TNK2: variants seen among roughly 807,000 people sequenced by gnomAD.
The protein encoded by TNK2 is activated CDC42 kinase 1.
Under a neutral mutation model 101.8 loss-of-function variants are expected in TNK2, and 83 were observed. That is an observed-to-expected ratio of 0.82 (90% CI 0.68 to 0.98). The LOEUF (loss-of-function observed/expected upper bound fraction) is 0.98. Ranked by LOEUF, TNK2 falls within the 50% of genes least tolerant of loss-of-function variation. TNK2 has a pLI of 0.00. For missense variants in TNK2, 1,665 were observed against 1,483.2 expected (o/e 1.12, Z -2.01); for synonymous variants, 804 against 633.0 (o/e 1.27, Z -4.06).
chr3:195,868,671 A>T lies in TNK2; in HGVS notation c.1627T>A (p.Leu543Met). The change falls in exon 13 of 16, where the codon TTG (leucine) becomes ATG (methionine). Residue 543 changes from leucine to methionine, a missense_variant. Around this residue, in one of 3 missense-constraint regions of TNK2, gnomAD observed 1,136 missense variants for 894.9 expected, o/e 1.27. Transcript: ENST00000672887. ...YDPVSEDQDPLSSDFKRLGLR... is the reference protein window; with the variant it reads ...YDPVSEDQDPMSSDFKRLGLR... The stretch of plus-strand genomic sequence containing the variant: ...CCCAGCCTCTTGAAGTCGCTGGACA[A>T]GGGGTCTTGGTCCTCGCTCACAGGG... 6.3e-7 allele frequency: 1 copy of T among 1,593,150 alleles called. No individual in the cohort carries two copies. Among genetic ancestry groups the T allele is most frequent in the Non-Finnish European group, 8.5e-7 (1 of 1,177,714 alleles).
intron 1 of TNK2, among the ~76,000 whole-genome samples, chr3:195,891,760 G>A (rs1560535542): frequency 6.6e-6 from 1 of 152,110 alleles, no homozygotes; most frequent in Non-Finnish European, 1.5e-5. Context: ...AACTCCCAAG[G>A]ATCCAGGCCC....
At chr3:195,871,310 G>A (rs980131113) in intron 10 of TNK2, among the ~76,000 whole-genome samples, 1 of 152,106 alleles carries the variant, frequency 6.6e-6, no homozygotes, top group Non-Finnish European at 1.5e-5. Context: ...GGTATGGAGT[G>A]AGCTCCGTAG....
intron 1 of TNK2, among the ~76,000 whole-genome samples, chr3:195,907,143 G>A (rs1414133513): frequency 1.3e-5 from 2 of 152,242 alleles, no homozygotes; most frequent in East Asian, 3.8e-4. Context: ...AAGATTGTGT[G>A]TATGTGTTTA....
At chr3:195,873,411 G>A (rs1409408925) in intron 9 of TNK2, among the ~76,000 whole-genome samples, 1 of 135,354 alleles carries the variant, frequency 7.4e-6, no homozygotes, top group Non-Finnish European at 1.6e-5. Flanking sequence ...CGTGAGCAGA[G>A]TCTGGGCAGG....
At position 195,867,279 on chromosome 3, in the gene TNK2, C is replaced by T. The variant is rs1183711814; in HGVS notation, c.2938-15G>A. ...ATGGCCTGCAGCTGGGCACACCCAC[C>T]CCTGTCAGCACCACTAGGGCCCACT... On this transcript the variant is annotated splice_polypyrimidine_tract_variant and intron_variant, in intron 13 of 15. Transcript: ENST00000672887. 6.2e-7 allele frequency: 1 copy of T among 1,606,392 alleles called. No individual in the cohort carries two copies. The highest frequency in any genetic ancestry group is 8.5e-7 in the Non-Finnish European group (1 of 1,175,336).
chr3:195,878,993 G>A lies in TNK2; in HGVS notation c.1014+56C>T. The stretch of plus-strand genomic sequence containing the variant: ...CAGTTCCAGCAGGGCCAGGCTGCAA[G>A]CAGGGAATGGAATTCACCCCACCAG... On this transcript the variant is annotated intron_variant, in intron 7 of 15. Coordinates refer to ENST00000672887, the MANE Select transcript of TNK2 (RefSeq NM_001382273.1). This position sits in a 1 kb window ranked among gnomAD's most constrained non-coding sequence, Gnocchi z 4.7. 6.3e-7 allele frequency: 1 copy of A among 1,592,810 alleles called. No homozygotes were observed. The highest frequency in any genetic ancestry group is 8.6e-7 in the Non-Finnish European group (1 of 1,169,550).
chr3:195,884,630 C>G, intron 4 of TNK2, 182 bp downstream of exon 4: 1 of 601,240 alleles, frequency 1.7e-6, no homozygotes, highest in Non-Finnish European at 2.8e-6. Context: ...GGCGACAGAG[C>G]GAGACTCCAT....
intron 1 of TNK2, among the ~76,000 whole-genome samples, chr3:195,893,320 G>T (rs769585526): frequency 2.0e-5 from 3 of 151,982 alleles, no homozygotes; most frequent in East Asian, 1.9e-4. Context: ...CAAGAGCAAG[G>T]GTAGGGTGGG....
intron 10 of TNK2, among the ~76,000 whole-genome samples, chr3:195,870,882 C>G (rs946559244): frequency 1.4e-5 from 2 of 145,974 alleles, no homozygotes; most frequent in African/African-American, 5.3e-5. Flanking sequence ...GCCCTGTGAG[C>G]TTGGGGTTCC....
At chr3:195,876,569 A>C (rs756897289) in intron 9 of TNK2, 15 of 456,616 alleles carry the variant, frequency 3.3e-5, no homozygotes, top group South Asian at 2.3e-4. Context: ...CCCGCTCCCA[A>C]GCCTCACCGG....
At chr3:195,865,725 T>C (rs1307050071) in intron 15 of TNK2, among the ~76,000 whole-genome samples, 2 of 149,024 alleles carry the variant, frequency 1.3e-5, no homozygotes, top group Non-Finnish European at 3.0e-5. Context: ...GACAGACAGG[T>C]GACAGGGAGT....
intron 12 of TNK2, chr3:195,869,240 C>T: frequency 1.7e-6 from 1 of 591,850 alleles, no homozygotes; most frequent in Non-Finnish European, 3.0e-6. Flanking sequence ...ACTCGTGCTC[C>T]AGAAGCTCAG....
intron 1 of TNK2, among the ~76,000 whole-genome samples, chr3:195,907,476 G>A (rs1258875210): frequency 6.6e-6 from 1 of 152,192 alleles, no homozygotes; most frequent in South Asian, 2.1e-4. Flanking sequence ...CTCTAGCTAA[G>A]GCCCTGGGCA....
At chr3:195,894,086 C>G (rs1759647546) in intron 1 of TNK2, among the ~76,000 whole-genome samples, 1 of 152,218 alleles carries the variant, frequency 6.6e-6, no homozygotes, top group African/African-American at 2.4e-5. Flanking sequence ...CTGGAGCTGA[C>G]TTTTCCCCAA....
intron 9 of TNK2, among the ~76,000 whole-genome samples, chr3:195,873,836 G>A (rs529374608): frequency 8.7e-4 from 133 of 152,228 alleles, no homozygotes; most frequent in African/African-American, 3.2e-3. Context: ...GGGGGCGCGG[G>A]GCGCGGGGAG....
At chr3:195,900,424 T>C (rs1373717471) in intron 1 of TNK2, among the ~76,000 whole-genome samples, 1 of 152,186 alleles carries the variant, frequency 6.6e-6, no homozygotes, top group Non-Finnish European at 1.5e-5. Flanking sequence ...CAGTCCACAC[T>C]GAACCTGAGG....
In TNK2 at chr3:195,870,106, G is replaced by A. The variant is rs1190553160; in HGVS notation, c.1543+8C>T. The A allele has an allele frequency of 3.4e-6, 5 of 1,454,612 alleles. No individual in the cohort carries two copies. The highest frequency in any genetic ancestry group is 2.5e-5 in the East Asian group (1 of 39,898). The allele number at this position is 1,454,612 out of a possible 1,614,324, so 90.1% of individuals were successfully genotyped here. A position where few individuals can be genotyped will look rare whatever the true frequency, so the allele number is the denominator to read the frequency against. ...GTTAGGGACACCAGGGAGCAGAGGG[G>A]CTCTTACTTTTCACCCCTCCTAGAT... On this transcript the variant is annotated splice_region_variant and intron_variant, in intron 11 of 15. Coordinates refer to ENST00000672887, the MANE Select transcript of TNK2 (RefSeq NM_001382273.1).
At chr3:195,873,843 G>A (rs1485941802) in intron 9 of TNK2, among the ~76,000 whole-genome samples, 1 of 152,108 alleles carries the variant, frequency 6.6e-6, no homozygotes, top group Non-Finnish European at 1.5e-5. Flanking sequence ...CGGGGCGCGG[G>A]GAGACGGGGC....
At chr3:195,901,903 T>TC (rs1761245315) in intron 1 of TNK2, among the ~76,000 whole-genome samples, 1 of 152,170 alleles carries the variant, frequency 6.6e-6, no homozygotes, top group African/African-American at 2.4e-5. Flanking sequence ...CACATTGGAC[T>TC]CGCTGAGTGG....
Sources: allele counts gnomAD v4.1 joint callset (sites outside exome capture counted in the v4.1 genomes callset), GRCh38; gene constraint gnomAD v4.1.1; regional missense constraint gnomAD v4.1.1; non-coding constraint Gnocchi (gnomAD v3.1); transcripts MANE v1.5; gene names NCBI Gene and HGNC (gene_info 2026-07-23, HGNC 2026-07-21).